The following RBMS3 variants were observed in gnomAD, a reference collection of about 807,000 sequenced individuals.
RBMS3 encodes the protein RNA-binding motif, single-stranded-interacting protein 3.
RBMS3 carries 27 observed loss-of-function variants against 66.8 expected under a neutral mutation model. The ratio of observed to expected loss-of-function variants is 0.40; its 90% CI spans 0.30 to 0.56. RBMS3 has a LOEUF of 0.56. Ranked by LOEUF, RBMS3 falls within the 20% of genes least tolerant of loss-of-function variation. The pLI, the probability that RBMS3 is intolerant of heterozygous loss-of-function variation, is 0.40. For synonymous variants in RBMS3, 188 were observed against 183.0 expected (o/e 1.03, Z -0.22); for missense variants, 513 against 549.5 (o/e 0.93, Z 0.66).
intron 12 of RBMS3, among the ~76,000 whole-genome samples, chr3:29,972,564 G>A (rs1381247931): frequency 7.6e-6 from 1 of 131,502 alleles, no homozygotes; most frequent in Non-Finnish European, 1.6e-5. Context: ...AAAATCTCTT[G>A]ACTAAAAAAA....
At chr3:29,869,000 G>C in intron 7 of RBMS3, 36 bp downstream of exon 7, 1 of 1,520,318 alleles carries the variant, frequency 6.6e-7, no homozygotes, top group Non-Finnish European at 8.9e-7. Context: ...TCTGAAATTT[G>C]GCAGTAGATA....
intron 3 of RBMS3, among the ~76,000 whole-genome samples, chr3:29,507,606 T>A (rs966484421): frequency 6.6e-6 from 1 of 152,158 alleles, no homozygotes; most frequent in African/African-American, 2.4e-5. Context: ...TCAGTTGACA[T>A]GTCTCTCTCC....
At chr3:29,416,428 C>A (rs146937418) in intron 1 of RBMS3, among the ~76,000 whole-genome samples, 18 of 152,286 alleles carry the variant, frequency 1.2e-4, no homozygotes, top group African/African-American at 4.1e-4. Context: ...CACATTCTTT[C>A]CTTAACTGGC....
At chr3:29,741,707 CG>C (rs1559625399) in intron 5 of RBMS3, among the ~76,000 whole-genome samples, 1 of 152,174 alleles carries the variant, frequency 6.6e-6, no homozygotes, top group African/African-American at 2.4e-5. Flanking sequence ...CAAAATGTCA[CG>C]GAACAGTGGC....
intron 1 of RBMS3, among the ~76,000 whole-genome samples, chr3:29,405,339 TA>T: frequency 6.6e-6 from 1 of 152,258 alleles, no homozygotes; most frequent in Non-Finnish European, 1.5e-5. Context: ...GTGCCTTTGT[TA>T]AAAAAATTCA....
At chr3:29,795,935 T>C (rs1297531850) in intron 6 of RBMS3, among the ~76,000 whole-genome samples, 2 of 152,192 alleles carry the variant, frequency 1.3e-5, no homozygotes, top group Non-Finnish European at 2.9e-5. Flanking sequence ...CCTATGCTGG[T>C]TGATTCCAGA....
intron 1 of RBMS3, among the ~76,000 whole-genome samples, chr3:29,303,418 G>A (rs990482172): frequency 6.6e-6 from 1 of 152,012 alleles, no homozygotes; most frequent in African/African-American, 2.4e-5. Flanking sequence ...TGCTAATGTA[G>A]AGTGAGAATC....
intron 1 of RBMS3, among the ~76,000 whole-genome samples, chr3:29,322,128 A>AT (rs917865135): frequency 1.2e-4 from 18 of 149,192 alleles, no homozygotes; most frequent in East Asian, 3.9e-4. Flanking sequence ...CCTCTCTTTT[A>AT]TTTTTTTTTC....
At chr3:29,368,670 T>A (rs554641414) in intron 1 of RBMS3, among the ~76,000 whole-genome samples, 29 of 149,720 alleles carry the variant, frequency 1.9e-4, no homozygotes, top group Admixed American at 6.0e-4. Context: ...AGTCTTTTTT[T>A]AAAAATCTCA....
chr3:29,573,296 T>G (rs2047004048), intron 3 of RBMS3, among the ~76,000 whole-genome samples: 1 of 152,074 alleles, frequency 6.6e-6, no homozygotes, highest in African/African-American at 2.4e-5. Flanking sequence ...AATTTTTATA[T>G]TTTTAGTAGA....
At position 29,780,459 on chromosome 3, in the gene RBMS3, T is replaced by C. The variant is rs547841608; in HGVS notation, c.637+17470T>C. On this transcript the variant is annotated intron_variant, in intron 6 of 14. Coordinates refer to ENST00000383767, the MANE Select transcript of RBMS3 (RefSeq NM_001003793.3). The stretch of plus-strand genomic sequence containing the variant: ...AACTTTTACTTCTATTTCTTAAAAA[T>C]AATAGTTTACTTTTTATGTGAAATA... Among the ~76,000 whole-genome samples, 8 of 152,230 alleles carry C rather than the reference T, an allele frequency of 5.3e-5. No individual in the cohort carries two copies. In the South Asian group the frequency reaches 1.7e-3, roughly 32 times the overall value.
At chr3:29,980,737 G>A (rs1168563958) in intron 12 of RBMS3, among the ~76,000 whole-genome samples, 3 of 152,088 alleles carry the variant, frequency 2.0e-5, no homozygotes, top group Admixed American at 6.6e-5. Flanking sequence ...AAGATAGATG[G>A]TTGTAGATGT....
intron 7 of RBMS3, among the ~76,000 whole-genome samples, chr3:29,879,167 A>G (rs1031253457): frequency 4.6e-5 from 7 of 152,190 alleles, no homozygotes; most frequent in Non-Finnish European, 8.8e-5. Context: ...ATTTCCAGTC[A>G]GAGATATTTA....
intron 6 of RBMS3, among the ~76,000 whole-genome samples, chr3:29,800,252 C>A (rs2057347576): frequency 6.6e-6 from 1 of 151,942 alleles, no homozygotes; most frequent in Non-Finnish European, 1.5e-5. Flanking sequence ...TAGCATTTCC[C>A]CCTCCTCCAT....
intron 1 of RBMS3, among the ~76,000 whole-genome samples, chr3:29,374,367 G>A (rs2038357742): frequency 6.6e-6 from 1 of 152,176 alleles, no homozygotes; most frequent in Admixed American, 6.5e-5. Context: ...AGCTGGTTTT[G>A]AAACAGAGCC....
In RBMS3 at chr3:29,587,242, T is replaced by G. The variant is rs781462044; in HGVS notation, c.399+37T>G. On this transcript the variant is annotated intron_variant, in intron 4 of 14. Coordinates refer to ENST00000383767, the MANE Select transcript of RBMS3 (RefSeq NM_001003793.3). ...GTTTAGGGGTGTTTTTTTTTTTTTT[T>G]TTTTTTTGTGTGTGTGTGTGTGTGT... is the stretch of plus-strand genomic sequence containing the variant. 43 of 851,774 alleles carry G rather than the reference T, an allele frequency of 5.0e-5. No individual in the cohort carries two copies. The African/African-American group carries it at 8.8e-4, about 17-fold the overall frequency. 52.8% of individuals were successfully genotyped at this position (851,774 alleles called of 1,614,324 possible). A position where few individuals can be genotyped will look rare whatever the true frequency, so the allele number is the denominator to read the frequency against.
At chr3:29,941,986 A>G (rs567964796) in intron 11 of RBMS3, among the ~76,000 whole-genome samples, 4 of 151,908 alleles carry the variant, frequency 2.6e-5, no homozygotes, top group Admixed American at 2.0e-4. Context: ...GATACTTCAA[A>G]ACATTTATAC....
chr3:29,851,888 A>G (rs2058943600), intron 6 of RBMS3, among the ~76,000 whole-genome samples: 2 of 152,170 alleles, frequency 1.3e-5, no homozygotes, highest in Admixed American at 1.3e-4. Context: ...TCCTAAGCAA[A>G]AAGAACAAAG....
intron 4 of RBMS3, among the ~76,000 whole-genome samples, chr3:29,688,588 TTTTTTTTTTTTTTG>T (rs1462197270): frequency 8.4e-6 from 1 of 119,742 alleles, no homozygotes. Flanking sequence ...TTTTTTTTTT[TTTTTTTTTTTTTTG>T]AGATGGAGTC....
Sources: allele counts gnomAD v4.1 joint callset (sites outside exome capture counted in the v4.1 genomes callset), GRCh38; gene constraint gnomAD v4.1.1; transcripts MANE v1.5; gene names NCBI Gene and HGNC (gene_info 2026-07-23, HGNC 2026-07-21).